UBE3A: variants seen among roughly 807,000 people sequenced by gnomAD.
UBE3A encodes the protein ubiquitin-protein ligase E3A.
In UBE3A, 6 loss-of-function variants were observed where a neutral mutation model predicts 83.4. The ratio of observed to expected loss-of-function variants is 0.07; its 90% CI spans 0.04 to 0.14. The LOEUF (loss-of-function observed/expected upper bound fraction) is 0.14. UBE3A is among the 10% of genes least tolerant of loss of function. UBE3A has a pLI of 1.00. For missense variants in UBE3A, 456 were observed against 1,036.1 expected, an observed-to-expected ratio of 0.44 and a Z score of 7.69; for synonymous variants, 337 against 355.4, an observed-to-expected ratio of 0.95 and a Z score of 0.58.
chr15:25,353,056 T>C (rs931222450), intron 11 of UBE3A, among the ~76,000 whole-genome samples: 3 of 152,210 alleles, frequency 2.0e-5, no homozygotes, highest in Non-Finnish European at 2.9e-5. Flanking sequence ...TTTTTCCTAC[T>C]AGAAATTATA....
chr15:25,370,477 C>T lies in UBE3A; in HGVS notation c.1608+89G>A. The T allele has an allele frequency of 6.8e-7, 1 of 1,476,724 alleles. No homozygotes were observed. The highest frequency in any genetic ancestry group is 9.5e-7 in the Non-Finnish European group (1 of 1,055,432). 91.5% of individuals were successfully genotyped at this position (1,476,724 alleles called of 1,614,324 possible). A position where few individuals can be genotyped will look rare whatever the true frequency, so the allele number is the denominator to read the frequency against. On this transcript the variant is annotated intron_variant, in intron 6 of 12. Coordinates refer to ENST00000648336, the MANE Select transcript of UBE3A (RefSeq NM_130839.5). The surrounding 1 kb of genome is among the most constrained non-coding windows in gnomAD (Gnocchi z 4.2). ...CATGTGTTCCTATGCTATATGGTAT[C>T]ATTTTTTTCAGTCACTTTTAAAATG...
intron 6 of UBE3A, among the ~76,000 whole-genome samples, chr15:25,364,193 G>A (rs2078640833): frequency 6.6e-6 from 1 of 151,952 alleles, no homozygotes; most frequent in African/African-American, 2.4e-5. Flanking sequence ...GGGTGACAGA[G>A]TTAAGACCCT....
intron 4 of UBE3A, among the ~76,000 whole-genome samples, chr15:25,395,499 T>G (rs542492118): frequency 6.6e-6 from 1 of 152,124 alleles, no homozygotes; most frequent in Non-Finnish European, 1.5e-5. Flanking sequence ...TACCAATAAT[T>G]TGAGTATGTG....
At chr15:25,379,674 G>C (rs1178902025) in intron 4 of UBE3A, among the ~76,000 whole-genome samples, 4 of 152,122 alleles carry the variant, frequency 2.6e-5, no homozygotes, top group African/African-American at 9.7e-5. Flanking sequence ...CGTTGGAAAA[G>C]TATACACTAA....
chr15:25,384,241 C>T (rs549324504), intron 4 of UBE3A, among the ~76,000 whole-genome samples: 13 of 152,038 alleles, frequency 8.6e-5, no homozygotes, highest in Non-Finnish European at 1.8e-4. Context: ...GGGCTGATCA[C>T]GAGGTCAAGA....
At position 25,354,629 on chromosome 15, in the gene UBE3A, A is replaced by G. The variant is rs746859435; in HGVS notation, c.2179T>C (p.Phe727Leu). The G allele has an allele frequency of 2.5e-6, 4 of 1,613,698 alleles. No homozygotes were observed. In the Admixed American group the frequency reaches 5.0e-5, roughly 20 times the overall value. The change falls in exon 10 of 13, where the codon TTC (phenylalanine) becomes CTC (leucine). Residue 727 changes from phenylalanine (F) to leucine (L), a missense_variant. Physicochemically the swap from Phe to Leu is conservative, Grantham distance 22. Around this residue, in one of 13 missense-constraint regions of UBE3A, gnomAD observed 82 missense variants for 199.3 expected, o/e 0.41. Coordinates refer to ENST00000648336, the MANE Select transcript of UBE3A (RefSeq NM_130839.5). Reference protein sequence around the residue: ...YILNKSVEKQFKAFRRGFHMV... With the variant: ...YILNKSVEKQLKAFRRGFHMV... ...TGAAAACCTCTCCGAAAAGCCTTGAACTGTTTTTCTACTGATTTATTGAGA... is the reference window on the plus strand; with the variant it reads ...TGAAAACCTCTCCGAAAAGCCTTGAGCTGTTTTTCTACTGATTTATTGAGA...
chr15:25,417,464 A>G (rs1887478887), intron 1 of UBE3A, among the ~76,000 whole-genome samples: 1 of 152,098 alleles, frequency 6.6e-6, no homozygotes, highest in Admixed American at 6.6e-5. Context: ...TAAAATAAAT[A>G]CTAGGAAAAT....
chr15:25,381,498 C>T lies in UBE3A; in HGVS notation c.63-5735G>A, dbSNP rs547787146. Among the ~76,000 whole-genome samples the T allele has an allele frequency of 3.3e-5, 5 of 151,996 alleles. No individual in the cohort carries two copies. The East Asian group carries it at 7.8e-4, about 24-fold the overall frequency. On this transcript the variant is annotated intron_variant, in intron 4 of 12. Transcript: ENST00000648336. Reference sequence around the variant, plus strand: ...CAAAGCAAAGAATAAAAAATAAAAACGGAAAGATTAAAAGGAAAATGTGAC... The same window carrying T: ...CAAAGCAAAGAATAAAAAATAAAAATGGAAAGATTAAAAGGAAAATGTGAC...
intron 9 of UBE3A, among the ~76,000 whole-genome samples, chr15:25,355,104 T>C (rs181725780): frequency 6.6e-6 from 1 of 152,262 alleles, no homozygotes; most frequent in Non-Finnish European, 1.5e-5. Flanking sequence ...CTCAACTAGG[T>C]ATGTAAACAG....
chr15:25,334,594 A>G lies in UBE3A; in HGVS notation c.*4543T>C, dbSNP rs2073869447. 8.1e-6 allele frequency: 1 copy of G among 123,806 alleles called. No individual in the cohort carries two copies. The highest frequency in any genetic ancestry group is 1.7e-5 in the Non-Finnish European group (1 of 60,060). The allele number at this position is 123,806 out of a possible 1,614,324, so 7.7% of individuals were successfully genotyped here. ...ATGCAAGGGACCCAAAACAGACAAA[A>G]TGATTTTGGGGAAAAAAAAAAAAAA... On this transcript the variant is annotated 3_prime_UTR_variant, in exon 13 of 13. Coordinates refer to ENST00000648336, the MANE Select transcript of UBE3A (RefSeq NM_130839.5).
intron 4 of UBE3A, among the ~76,000 whole-genome samples, chr15:25,398,293 A>G (rs373886800): frequency 3.3e-5 from 5 of 152,230 alleles, no homozygotes; most frequent in Middle Eastern, 3.4e-3. Context: ...TAATACATGC[A>G]ATACCTCACA....
chr15:25,361,379 C>G (rs1215733348), intron 6 of UBE3A, among the ~76,000 whole-genome samples: 1 of 152,132 alleles, frequency 6.6e-6, no homozygotes, highest in Non-Finnish European at 1.5e-5. Context: ...CCACCTCAGC[C>G]TCTCAAAGTG....
chr15:25,422,848 A>C (rs533322548), intron 1 of UBE3A, among the ~76,000 whole-genome samples: 32 of 151,206 alleles, frequency 2.1e-4, no homozygotes, highest in African/African-American at 6.5e-4. Flanking sequence ...CCAAAAAAAA[A>C]CCAACTAGCT....
intron 4 of UBE3A, among the ~76,000 whole-genome samples, chr15:25,404,671 C>T (rs753768863): frequency 6.6e-6 from 1 of 152,180 alleles, no homozygotes; most frequent in Non-Finnish European, 1.5e-5. Flanking sequence ...TAAAAATACA[C>T]GTTTGACAAA....
At chr15:25,408,129 G>A (rs2089117164) in intron 3 of UBE3A, 1 of 155,376 alleles carries the variant, frequency 6.4e-6, no homozygotes, top group African/African-American at 2.4e-5. Flanking sequence ...TGAGGTGGGA[G>A]GGTCACTTGA....
chr15:25,427,395 C>T lies in UBE3A; in HGVS notation c.-165+11094G>A, dbSNP rs568160257. Among the ~76,000 whole-genome samples, 66 of 151,828 alleles carry T rather than the reference C, an allele frequency of 4.3e-4. 1 individual carries two copies. Among genetic ancestry groups the T allele is most frequent in the African/African-American group, 1.5e-3 (62 of 41,402 alleles). On this transcript the variant is annotated intron_variant, in intron 1 of 12. Transcript: ENST00000648336. Reference sequence around the variant, plus strand: ...GATAACTCAAGAAACTAAAAGCAGCCTGTGTGGTAAGATGGTACTGACCAA... The same window carrying T: ...GATAACTCAAGAAACTAAAAGCAGCTTGTGTGGTAAGATGGTACTGACCAA...
rs1342103986 is a variant in UBE3A at position 25,334,632 on chromosome 15, G to A, written c.*4505C>T. On this transcript the variant is annotated 3_prime_UTR_variant, in exon 13 of 13. Coordinates refer to ENST00000648336, the MANE Select transcript of UBE3A (RefSeq NM_130839.5). ...AAAAAAAAAAAAAAATGGAGGACTT[G>A]CACATCCCAAATCTAAACTTACTAC... The A allele has an allele frequency of 1.3e-5, 2 of 150,662 alleles. No individual in the cohort carries two copies. Among genetic ancestry groups the A allele is most frequent in the African/African-American group, 2.4e-5 (1 of 40,908 alleles). 9.3% of individuals were successfully genotyped at this position (150,662 alleles called of 1,614,324 possible).
intron 6 of UBE3A, among the ~76,000 whole-genome samples, chr15:25,361,270 C>T (rs1285871820): frequency 6.6e-6 from 1 of 151,988 alleles, no homozygotes. Flanking sequence ...GGATTACAGG[C>T]AGGCGCCACT....
At chr15:25,402,082 A>G (rs2087277219) in intron 4 of UBE3A, among the ~76,000 whole-genome samples, 1 of 152,056 alleles carries the variant, frequency 6.6e-6, no homozygotes, top group Non-Finnish European at 1.5e-5. Flanking sequence ...TGTTCCTTTG[A>G]CTGGTGTCAC....
Sources: gnomAD v4.1 joint callset for allele counts (sites outside exome capture counted in the v4.1 genomes callset) on GRCh38, gnomAD v4.1.1 for gene constraint, gnomAD v4.1.1 regional missense constraint, Gnocchi (gnomAD v3.1) non-coding constraint, MANE v1.5 for transcripts, NCBI Gene and HGNC (gene_info 2026-07-23, HGNC 2026-07-21) for gene names.